Variants in UNC13A observed in about 807,000 individuals in gnomAD.
UNC13A encodes unc-13 homolog A.
UNC13A carries 61 observed loss-of-function variants against 219.7 expected under a neutral mutation model. The ratio of observed to expected loss-of-function variants is 0.28; its 90% confidence interval spans 0.23 to 0.34. The LOEUF (loss-of-function observed/expected upper bound fraction) is 0.34, where lower values mean the gene tolerates loss of function less well. Ranked by LOEUF, UNC13A falls within the 10% of genes least tolerant of loss-of-function variation. The pLI, the probability that UNC13A is intolerant of heterozygous loss-of-function variation, is 1.00. For synonymous variants in UNC13A, 920 were observed against 884.6 expected (o/e 1.04, Z -0.71); for missense variants, 1,476 against 2,270.3 (o/e 0.65, Z 7.11).
At position 17,627,754 on chromosome 19, in the gene UNC13A, A is replaced by G; in HGVS notation, c.3831+109T>C. On this transcript the variant is annotated intron_variant, in intron 32 of 43. Coordinates refer to ENST00000519716, the MANE Select transcript of UNC13A (RefSeq NM_001080421.3). This position sits in a 1 kb window ranked among gnomAD's most constrained non-coding sequence, Gnocchi z 4.7. ...AAGCCTGGGTTTAAGGCCATGGTTG[A>G]GCTGGAATTCATCCCCAGGCCTGGT... 1 of 1,340,806 alleles carries G rather than the reference A, an allele frequency of 7.5e-7. No individual in the cohort carries two copies. Among genetic ancestry groups the G allele is most frequent in the Admixed American group, 2.0e-5 (1 of 49,558 alleles). The allele number at this position is 1,340,806 out of a possible 1,614,324, so 83.1% of individuals were successfully genotyped here.
At chr19:17,639,946 A>C (rs1397319236) in intron 22 of UNC13A, 38 bp from the exon 23 acceptor site, 57 of 1,605,996 alleles carry the variant, frequency 3.5e-5, no homozygotes, top group Non-Finnish European at 4.7e-5. Context: ...GGATGGAGGC[A>C]GGACATGGCC....
intron 38 of UNC13A, 95 bp downstream of exon 38, chr19:17,620,598 C>T (rs1252045354): frequency 4.1e-5 from 50 of 1,227,582 alleles, no homozygotes; most frequent in Middle Eastern, 2.7e-4. Flanking sequence ...AGTACGCCCT[C>T]GGACGGCACG....
chr19:17,625,031 G>A (rs1030776927), intron 34 of UNC13A, 79 bp from the exon 35 acceptor site: 10 of 1,549,748 alleles, frequency 6.5e-6, no homozygotes, highest in East Asian at 2.3e-5. Flanking sequence ...AGGTGGGCAA[G>A]GCATTCCACA....
intron 38 of UNC13A, among the ~76,000 whole-genome samples, chr19:17,619,483 T>C (rs1251494292): frequency 2.6e-5 from 4 of 151,088 alleles, no homozygotes; most frequent in Non-Finnish European, 5.9e-5. Flanking sequence ...TTGCCCAGGC[T>C]GGAGTGCAGT....
chr19:17,645,383 G>A (rs184342489), intron 19 of UNC13A, among the ~76,000 whole-genome samples: 62 of 152,116 alleles, frequency 4.1e-4, no homozygotes, highest in African/African-American at 1.4e-3. Flanking sequence ...CCTCAGACTA[G>A]GATTCCCAGT....
chr19:17,682,714 A>G (rs190150718), intron 1 of UNC13A, among the ~76,000 whole-genome samples: 38 of 152,298 alleles, frequency 2.5e-4, no homozygotes, highest in Admixed American at 7.2e-4. Flanking sequence ...GCAGGGGAAT[A>G]GCCCCGATGA....
At chr19:17,639,578 G>A (rs566947661) in intron 23 of UNC13A, 53 bp from the exon 24 acceptor site, 87 of 1,567,418 alleles carry the variant, frequency 5.6e-5, no homozygotes, top group Middle Eastern at 2.2e-4. Context: ...TGGGGAGGAT[G>A]GGAGACTGCT....
At chr19:17,642,646 A>G (rs531526034) in intron 20 of UNC13A, among the ~76,000 whole-genome samples, 199 bp downstream of exon 20, 2 of 152,306 alleles carry the variant, frequency 1.3e-5, no homozygotes, top group Non-Finnish European at 2.9e-5. Context: ...CTGGAGGCCA[A>G]GGTGGGCTTC....
intron 28 of UNC13A, among the ~76,000 whole-genome samples, chr19:17,631,308 C>T (rs2076852433): frequency 6.7e-6 from 1 of 148,806 alleles, no homozygotes; most frequent in South Asian, 2.2e-4. Context: ...GCAGCCTTGA[C>T]CTGCTGGGTT....
Position 17,605,067 on chromosome 19 carries a change from G to A in UNC13A, c.*987C>T, listed in dbSNP as rs1420041974. The A allele has an allele frequency of 6.5e-6, 1 of 152,712 alleles. No individual in the cohort carries two copies. The allele number at this position is 152,712 out of a possible 1,614,324, so 9.5% of individuals were successfully genotyped here. A position where few individuals can be genotyped will look rare whatever the true frequency, so the allele number is the denominator to read the frequency against. On this transcript the variant is annotated 3_prime_UTR_variant, in exon 44 of 44. Coordinates refer to ENST00000519716, the MANE Select transcript of UNC13A (RefSeq NM_001080421.3). ...CCCAGGAGAAAGGGCTGAGGGCAAAGGTCCTGCTTGGCAGCCGGAGAAGGA... is the reference window on the plus strand; with the variant it reads ...CCCAGGAGAAAGGGCTGAGGGCAAAAGTCCTGCTTGGCAGCCGGAGAAGGA...
rs1261875371 is a variant in UNC13A at position 17,606,051 on chromosome 19, G to A, written c.*3C>T. On this transcript the variant is annotated 3_prime_UTR_variant, in exon 44 of 44. Coordinates refer to ENST00000519716, the MANE Select transcript of UNC13A (RefSeq NM_001080421.3). Reference sequence around the variant, plus strand: ...CGCAGTGCCGCTCGGCCGACCGCCCGCGCTAAGGCGCAGGCGCGGCACCGC... The same window carrying A: ...CGCAGTGCCGCTCGGCCGACCGCCCACGCTAAGGCGCAGGCGCGGCACCGC... The A allele has an allele frequency of 9.2e-6, 14 of 1,529,724 alleles. No individual in the cohort carries two copies. In the East Asian group the frequency reaches 3.7e-4, roughly 41 times the overall value. 94.8% of individuals were successfully genotyped at this position (1,529,724 alleles called of 1,614,324 possible).
intron 16 of UNC13A, among the ~76,000 whole-genome samples, chr19:17,647,871 G>T (rs1444160178): frequency 9.3e-6 from 1 of 107,002 alleles, no homozygotes; most frequent in East Asian, 3.2e-4. Flanking sequence ...TCTGAGTCCC[G>T]CTGCCTCTCT....
At chr19:17,662,812 C>T (rs552193593) in intron 8 of UNC13A, among the ~76,000 whole-genome samples, 3 of 150,292 alleles carry the variant, frequency 2.0e-5, no homozygotes, top group Admixed American at 1.3e-4. Context: ...CCCAGCTACT[C>T]GGGAGGCTGA....
rs1254508564 is a variant in UNC13A at position 17,627,166 on chromosome 19, A to G, written c.3920+343T>C. Among the ~76,000 whole-genome samples, 1 of 103,372 alleles carries G rather than the reference A, an allele frequency of 9.7e-6. No individual in the cohort carries two copies. The highest frequency in any genetic ancestry group is 2.6e-5 in the Non-Finnish European group (1 of 37,990). 67.8% of individuals were successfully genotyped at this position (103,372 alleles called of 152,430 possible). A position where few individuals can be genotyped will look rare whatever the true frequency, so the allele number is the denominator to read the frequency against. On this transcript the variant is annotated intron_variant, in intron 33 of 43. Coordinates refer to ENST00000519716, the MANE Select transcript of UNC13A (RefSeq NM_001080421.3). This position sits in a 1 kb window ranked among gnomAD's most constrained non-coding sequence, Gnocchi z 4.7. Reference sequence around the variant, plus strand: ...GGTGACAGAACGAGACTTCGTCTCAAAAAAAAAAAAAGAGTGGAAAATAGT... The same window carrying G: ...GGTGACAGAACGAGACTTCGTCTCAGAAAAAAAAAAAGAGTGGAAAATAGT...
chr19:17,616,517 G>C, intron 41 of UNC13A: 1 of 662,888 alleles, frequency 1.5e-6, no homozygotes, highest in Non-Finnish European at 2.8e-6. Flanking sequence ...ATGGGGAGCG[G>C]GGAGAGACGA....
chr19:17,629,229 C>T lies in UNC13A; in HGVS notation c.3753+11G>A. The T allele has an allele frequency of 1.2e-6, 2 of 1,602,672 alleles. No individual in the cohort carries two copies. Among genetic ancestry groups the T allele is most frequent in the Non-Finnish European group, 1.7e-6 (2 of 1,175,302 alleles). On this transcript the variant is annotated intron_variant, in intron 31 of 43. Coordinates refer to ENST00000519716, the MANE Select transcript of UNC13A (RefSeq NM_001080421.3). ...GAGGAGGGAGATAGGTCAGGGGCCC[C>T]CTCAGGTCACCACTTTCTCCTTCTC...
intron 41 of UNC13A, chr19:17,616,571 G>A (rs1482870943): frequency 1.1e-5 from 6 of 549,188 alleles, no homozygotes; most frequent in Non-Finnish European, 1.3e-5. Context: ...GGAGGGGGCA[G>A]GGGAGGCGCG....
chr19:17,605,706 T>C lies in UNC13A; in HGVS notation c.*348A>G. 1 of 243,062 alleles carries C rather than the reference T, an allele frequency of 4.1e-6. No homozygotes were observed. Among genetic ancestry groups the C allele is most frequent in the South Asian group, 1.1e-4 (1 of 8,766 alleles). 15.1% of individuals were successfully genotyped at this position (243,062 alleles called of 1,614,324 possible). Reference sequence around the variant, plus strand: ...TATGGCTTTTCCAGGGGACATGAGGTGGTGCCTCCCGGTACCAGAGCCCCG... The same window carrying C: ...TATGGCTTTTCCAGGGGACATGAGGCGGTGCCTCCCGGTACCAGAGCCCCG... On this transcript the variant is annotated 3_prime_UTR_variant, in exon 44 of 44. Transcript: ENST00000519716.
At position 17,645,727 on chromosome 19, in the gene UNC13A, G is replaced by A. The variant is rs749478006; in HGVS notation, c.2303C>T (p.Thr768Met). The A allele has an allele frequency of 3.7e-6, 6 of 1,614,034 alleles. No homozygotes were observed. The highest frequency in any genetic ancestry group is 2.2e-5 in the East Asian group (1 of 44,900). Residue 768 changes from threonine (T) to methionine (M), a missense_variant, in exon 19 of 44, where the codon ACG (threonine) becomes ATG (methionine). By Grantham distance (81) the Thr-to-Met change is moderately conservative (BLOSUM62 -1). Coordinates refer to ENST00000519716, the MANE Select transcript of UNC13A (RefSeq NM_001080421.3). ...GCTGAGCGTCCGCACCTCAATGATCGTCTGCCCCAGGAAATCGTCAGATTC... is the reference window on the plus strand; with the variant it reads ...GCTGAGCGTCCGCACCTCAATGATCATCTGCCCCAGGAAATCGTCAGATTC... Reference protein sequence around the residue: ...KRESDDFLGQTIIEVRTLSGE... With the variant: ...KRESDDFLGQMIIEVRTLSGE...
Sources: allele counts gnomAD v4.1 joint callset (sites outside exome capture counted in the v4.1 genomes callset), GRCh38; gene constraint gnomAD v4.1.1; non-coding constraint Gnocchi (gnomAD v3.1); transcripts MANE v1.5; gene names NCBI Gene and HGNC (gene_info 2026-07-23, HGNC 2026-07-21).